The following ENTREP2 variants were observed in gnomAD, a reference collection of about 807,000 sequenced individuals.
ENTREP2 encodes endosomal transmembrane epsin interactor 2, also known as protein ENTREP2.
At chr15:29,404,813 A>G in the ENTREP2 span, among the ~76,000 whole-genome samples, 1 of 152,010 alleles carries the variant, frequency 6.6e-6, no homozygotes, top group African/African-American at 2.4e-5. Flanking sequence ...GTGCTCCTGG[A>G]GCCTGCCCTA....
chr15:29,354,325 G>A, the ENTREP2 span, among the ~76,000 whole-genome samples: 3 of 152,154 alleles, frequency 2.0e-5, no homozygotes, highest in African/African-American at 7.2e-5. Context: ...TCTCCAGCCT[G>A]GAGATGGCAG....
At chr15:29,208,401 A>G in the ENTREP2 span, among the ~76,000 whole-genome samples, 1 of 152,170 alleles carries the variant, frequency 6.6e-6, no homozygotes, top group Admixed American at 6.5e-5. Context: ...AACATGTGTC[A>G]TCTACTTTGA....
At chr15:29,395,501 G>A in the ENTREP2 span, among the ~76,000 whole-genome samples, 1 of 150,764 alleles carries the variant, frequency 6.6e-6, no homozygotes, top group African/African-American at 2.4e-5. Flanking sequence ...GGTAGGAAGT[G>A]GTAGTCATTT....
the ENTREP2 span, among the ~76,000 whole-genome samples, chr15:29,564,693 G>A: frequency 6.6e-6 from 1 of 152,086 alleles, no homozygotes; most frequent in African/African-American, 2.4e-5. Context: ...GGTAGTTTTT[G>A]GGTTCCACCA....
At chr15:29,602,117 C>A in the ENTREP2 span, among the ~76,000 whole-genome samples, 1 of 152,178 alleles carries the variant, frequency 6.6e-6, no homozygotes, top group Non-Finnish European at 1.5e-5. Flanking sequence ...ATCAGAACCA[C>A]GAGAAGCAAA....
the ENTREP2 span, among the ~76,000 whole-genome samples, chr15:29,632,506 G>A: frequency 6.6e-6 from 1 of 152,144 alleles, no homozygotes; most frequent in African/African-American, 2.4e-5. Context: ...CAGAGGCCAG[G>A]CACGGTGGCT....
the ENTREP2 span, among the ~76,000 whole-genome samples, chr15:29,401,753 G>A: frequency 6.6e-6 from 1 of 152,194 alleles, no homozygotes; most frequent in Non-Finnish European, 1.5e-5. Flanking sequence ...TAAAGGGCTA[G>A]TTAAAAAGAC....
At chr15:29,514,662 A>G in the ENTREP2 span, among the ~76,000 whole-genome samples, 7 of 152,056 alleles carry the variant, frequency 4.6e-5, no homozygotes, top group Admixed American at 4.6e-4. Flanking sequence ...ACTTTAGTCT[A>G]TTTCCTGGCA....
chr15:29,616,404 C>A, the ENTREP2 span, among the ~76,000 whole-genome samples: 1 of 152,066 alleles, frequency 6.6e-6, no homozygotes, highest in African/African-American at 2.4e-5. Context: ...AGAGGGCTCA[C>A]CACTCCACAC....
chr15:29,564,205 C>G, the ENTREP2 span, among the ~76,000 whole-genome samples: 1 of 151,774 alleles, frequency 6.6e-6, no homozygotes, highest in Non-Finnish European at 1.5e-5. Context: ...CAGGTACCCA[C>G]TTGTTTCCCA....
chr15:29,430,812 G>T, the ENTREP2 span, among the ~76,000 whole-genome samples: 2 of 152,182 alleles, frequency 1.3e-5, no homozygotes, highest in Admixed American at 1.3e-4. Context: ...CCCAAAAAAG[G>T]GCCAATGACC....
At chr15:29,286,769 A>G in the ENTREP2 span, among the ~76,000 whole-genome samples, 1 of 152,190 alleles carries the variant, frequency 6.6e-6, no homozygotes, top group Non-Finnish European at 1.5e-5. Flanking sequence ...TTAGACCATT[A>G]TGTAATTGAG....
At chr15:29,620,711 A>C in the ENTREP2 span, among the ~76,000 whole-genome samples, 1 of 152,066 alleles carries the variant, frequency 6.6e-6, no homozygotes, top group Admixed American at 6.5e-5. Context: ...GAGGCCAAAG[A>C]AATAAGTGGG....
At chr15:29,584,467 A>G in the ENTREP2 span, among the ~76,000 whole-genome samples, 1 of 150,584 alleles carries the variant, frequency 6.6e-6, no homozygotes, top group South Asian at 2.1e-4. Context: ...GTGTGTATGA[A>G]ATGGAATATT....
the ENTREP2 span, among the ~76,000 whole-genome samples, chr15:29,377,891 G>C: frequency 2.0e-5 from 3 of 147,902 alleles, no homozygotes; most frequent in African/African-American, 4.9e-5. Context: ...GAGAGAGCTT[G>C]TGAATAAGTA....
the ENTREP2 span, among the ~76,000 whole-genome samples, chr15:29,342,594 C>T: frequency 7.2e-5 from 11 of 152,148 alleles, no homozygotes; most frequent in African/African-American, 2.4e-4. Context: ...ATTTTACACT[C>T]CTCTTAGCAA....
At chr15:29,658,213 C>G in the ENTREP2 span, among the ~76,000 whole-genome samples, 1 of 152,128 alleles carries the variant, frequency 6.6e-6, no homozygotes, top group African/African-American at 2.4e-5. Flanking sequence ...CTCATGAGAT[C>G]TGATGGTTTT....
chr15:29,148,243 G>T, the ENTREP2 span, among the ~76,000 whole-genome samples: 1 of 152,172 alleles, frequency 6.6e-6, no homozygotes, highest in Non-Finnish European at 1.5e-5. Flanking sequence ...ACTCTGTGAA[G>T]ATATTAAAAC....
the ENTREP2 span, among the ~76,000 whole-genome samples, chr15:29,202,888 A>T: frequency 3.9e-5 from 6 of 152,136 alleles, no homozygotes; most frequent in African/African-American, 1.4e-4. Flanking sequence ...TCTATCATTG[A>T]TGGGCATTTG....
Sources: allele counts gnomAD v4.1 joint callset (sites outside exome capture counted in the v4.1 genomes callset), GRCh38; gene constraint gnomAD v4.1.1; transcripts MANE v1.5; gene names NCBI Gene and HGNC (gene_info 2026-07-23, HGNC 2026-07-21).